Variants in ANKRD30BL observed in about 807,000 individuals in gnomAD.
ANKRD30BL encodes putative ankyrin repeat domain-containing protein 30B-like.
Under a neutral mutation model 18.4 loss-of-function variants are expected in ANKRD30BL, and 20 were observed. The observed-to-expected ratio is 1.09, with a 90% CI of 0.77 to 1.58. The LOEUF is 1.58. Among genes scored for constraint, ANKRD30BL ranks in the 40% most tolerant of loss-of-function variants. The pLI is 0.00. For missense variants in ANKRD30BL, 224 were observed against 268.6 expected (o/e 0.83, Z 1.16); for synonymous variants, 72 against 100.9 (o/e 0.71, Z 1.72).
rs186929087 is a variant in ANKRD30BL, at chr2:132,182,878, C to A, written n.442-25732G>T. ...TTCCTGAGTGAATGACATAGAACCC[C>A]GACAGATAAATTAATATGTTAAAAT... On this transcript the variant is annotated intron_variant and non_coding_transcript_variant, in intron 1 of 4. Transcript: ENST00000470729. Among the ~76,000 whole-genome samples the A allele has an allele frequency of 1.4e-3, 219 of 151,652 alleles. 2 individuals carry two copies. Among genetic ancestry groups the A allele is most frequent in the African/African-American group, 5.0e-3 (207 of 41,334 alleles).
intron 1 of ANKRD30BL, among the ~76,000 whole-genome samples, chr2:132,160,121 T>C (rs991596664): frequency 1.3e-5 from 2 of 152,174 alleles, no homozygotes; most frequent in South Asian, 2.1e-4. Context: ...TATTTATTTT[T>C]GAGACAGAGT....
chr2:132,202,435 C>CT (rs993884607), intron 1 of ANKRD30BL, among the ~76,000 whole-genome samples: 2,498 of 138,056 alleles, frequency 0.018, 41 homozygotes, highest in African/African-American at 0.051. Flanking sequence ...TTTTTATCCT[C>CT]TTTTTTTTTA....
At chr2:132,170,215 T>G (rs1364675293) in intron 1 of ANKRD30BL, among the ~76,000 whole-genome samples, 4 of 152,214 alleles carry the variant, frequency 2.6e-5, no homozygotes, top group African/African-American at 7.2e-5. Flanking sequence ...TTGTAGGACT[T>G]TCTCCTTAGT....
intron 1 of ANKRD30BL, among the ~76,000 whole-genome samples, chr2:132,180,385 C>G (rs1573820168): frequency 6.6e-6 from 1 of 152,184 alleles, no homozygotes; most frequent in African/African-American, 2.4e-5. Flanking sequence ...GAGTAGTAGG[C>G]TATCCCGTCT....
chr2:132,173,623 T>G (rs904729180), intron 1 of ANKRD30BL, among the ~76,000 whole-genome samples: 5 of 152,148 alleles, frequency 3.3e-5, no homozygotes, highest in African/African-American at 1.2e-4. Flanking sequence ...GTTGTCTTAT[T>G]CTAACATTTC....
intron 1 of ANKRD30BL, among the ~76,000 whole-genome samples, chr2:132,242,453 A>T (rs568331164): frequency 6.6e-6 from 1 of 151,844 alleles, no homozygotes; most frequent in African/African-American, 2.4e-5. Context: ...ATTCCCTTTC[A>T]TAGAGCAGGG....
At chr2:132,172,397 G>T (rs1407545436) in intron 1 of ANKRD30BL, among the ~76,000 whole-genome samples, 2 of 152,034 alleles carry the variant, frequency 1.3e-5, no homozygotes, top group Non-Finnish European at 2.9e-5. Flanking sequence ...ATTTTCTGGG[G>T]TTTCTTTTCT....
intron 1 of ANKRD30BL, among the ~76,000 whole-genome samples, chr2:132,227,986 G>A (rs987899129): frequency 6.6e-5 from 10 of 151,772 alleles, no homozygotes; most frequent in African/African-American, 2.2e-4. Flanking sequence ...CATCTCACAG[G>A]GTTAACTCTT....
At chr2:132,214,842 C>A (rs546816353) in intron 1 of ANKRD30BL, among the ~76,000 whole-genome samples, 2 of 151,590 alleles carry the variant, frequency 1.3e-5, no homozygotes, top group African/African-American at 4.8e-5. Context: ...GAAATATCTT[C>A]ACATAAAAAC....
At chr2:132,236,211 C>T (rs367924892) in intron 1 of ANKRD30BL, among the ~76,000 whole-genome samples, 186 of 152,160 alleles carry the variant, frequency 1.2e-3, no homozygotes, top group Non-Finnish European at 2.2e-3. Flanking sequence ...AAGACTTAAA[C>T]GTTCAACCTA....
chr2:132,180,965 G>T (rs1362103565), intron 1 of ANKRD30BL, among the ~76,000 whole-genome samples: 1 of 151,866 alleles, frequency 6.6e-6, no homozygotes, highest in Non-Finnish European at 1.5e-5. Context: ...GGCTAACATG[G>T]TGAAACTCCA....
intron 1 of ANKRD30BL, among the ~76,000 whole-genome samples, chr2:132,175,666 T>G (rs773834908): frequency 6.0e-4 from 92 of 152,344 alleles, no homozygotes; most frequent in South Asian, 4.4e-3. Flanking sequence ...CTATCACATG[T>G]GGAGAATCCT....
intron 1 of ANKRD30BL, among the ~76,000 whole-genome samples, chr2:132,237,989 C>T (rs1680207902): frequency 6.6e-6 from 1 of 151,996 alleles, no homozygotes; most frequent in Non-Finnish European, 1.5e-5. Context: ...GAAGCATTCT[C>T]AGAAACCTCT....
At chr2:132,215,272 CA>C (rs1679467694) in intron 1 of ANKRD30BL, among the ~76,000 whole-genome samples, 1 of 152,242 alleles carries the variant, frequency 6.6e-6, no homozygotes, top group Non-Finnish European at 1.5e-5. Context: ...TTTGATTGAG[CA>C]GTTTGGAAAC....
At chr2:132,190,234 TGAAAAAG>T in intron 1 of ANKRD30BL, among the ~76,000 whole-genome samples, 1 of 152,108 alleles carries the variant, frequency 6.6e-6, no homozygotes, top group South Asian at 2.1e-4. Flanking sequence ...AAGAACTCCT[TGAAAAAG>T]GCAATCATGT....
Position 132,148,073 on chromosome 2 carries a change from T to C in ANKRD30BL, c.*58A>G. 5 of 1,312,838 alleles carry C rather than the reference T, an allele frequency of 3.8e-6. No homozygotes were observed. In the South Asian group the frequency reaches 6.3e-5, roughly 17 times the overall value. 81.3% of individuals were successfully genotyped at this position (1,312,838 alleles called of 1,614,324 possible). A position where few individuals can be genotyped will look rare whatever the true frequency, so the allele number is the denominator to read the frequency against. ...AACTCATTGTACTTAATCTTCCCCCTCTTGAATTTTAAAGGATGTTTACAG... is the reference window on the plus strand; with the variant it reads ...AACTCATTGTACTTAATCTTCCCCCCCTTGAATTTTAAAGGATGTTTACAG... On this transcript the variant is annotated 3_prime_UTR_variant, in exon 6 of 6. Coordinates refer to ENST00000409867, the MANE Select transcript of ANKRD30BL (RefSeq NM_001358416.1).
At chr2:132,160,143 C>T (rs952769506) in intron 1 of ANKRD30BL, among the ~76,000 whole-genome samples, 13 of 152,154 alleles carry the variant, frequency 8.5e-5, no homozygotes, top group African/African-American at 3.1e-4. Flanking sequence ...TCACTGTCTC[C>T]CAGGCTAGAG....
chr2:132,164,533 C>T (rs1198825734), upstream of ANKRD30BL, among the ~76,000 whole-genome samples: 10 of 151,778 alleles, frequency 6.6e-5, no homozygotes, highest in Non-Finnish European at 1.2e-4. Flanking sequence ...TCAGGTGATC[C>T]GCCCACCTTG....
intron 1 of ANKRD30BL, among the ~76,000 whole-genome samples, chr2:132,250,322 T>C (rs1388532775): frequency 6.6e-6 from 1 of 152,128 alleles, no homozygotes; most frequent in Admixed American, 6.6e-5. Flanking sequence ...ATAGTTTTTA[T>C]GTGAAGGTAT....
Sources: gnomAD v4.1 joint callset for allele counts (sites outside exome capture counted in the v4.1 genomes callset) on GRCh38, gnomAD v4.1.1 for gene constraint, MANE v1.5 for transcripts, NCBI Gene and HGNC (gene_info 2026-07-23, HGNC 2026-07-21) for gene names.